ATR: variants seen among roughly 807,000 people sequenced by gnomAD.
The protein encoded by ATR is serine/threonine-protein kinase ATR.
In ATR, 142 loss-of-function variants were observed where a neutral mutation model predicts 305.3. The ratio of observed to expected loss-of-function variants is 0.47; its 90% CI spans 0.41 to 0.53. The LOEUF (loss-of-function observed/expected upper bound fraction) is 0.53, where lower values mean the gene tolerates loss of function less well. Among genes scored for constraint, ATR ranks in the 20% least tolerant of loss-of-function variants. ATR has a pLI of 0.00. For synonymous variants in ATR, 1,050 were observed against 1,068.1 expected, an observed-to-expected ratio of 0.98 and a Z score of 0.33; for missense variants, 2,135 against 3,133.1, an observed-to-expected ratio of 0.68 and a Z score of 7.60.
intron 16 of ATR, among the ~76,000 whole-genome samples, chr3:142,546,902 A>G (rs2034287592): frequency 6.6e-6 from 1 of 152,226 alleles, no homozygotes; most frequent in Admixed American, 6.5e-5. Context: ...ATGAGAAACC[A>G]GAGATAAAAA....
rs979965580 is a variant in ATR, at chr3:142,565,970, G to A, written c.292+151C>T. 6.5e-5 allele frequency: 62 copies of A among 948,916 alleles called. 1 individual carries two copies. Among genetic ancestry groups the A allele is most frequent in the Non-Finnish European group, 9.0e-5 (55 of 612,500 alleles). 58.8% of individuals were successfully genotyped at this position (948,916 alleles called of 1,614,324 possible). On this transcript the variant is annotated intron_variant, in intron 3 of 46. Transcript: ENST00000350721. ...AAAGAAAACAATAAGGATATGTGAA[G>A]GAAAAATAACCATTACCATTTTGCT...
rs761945596 is a variant in ATR at position 142,562,592 on chromosome 3, G to A, written c.810C>T (p.Phe270=). The change falls in exon 4 of 47, where the codon TTC becomes TTT. Residue 270 remains phenylalanine, a synonymous_variant. Transcript: ENST00000350721. ...GTTTTAATAATTCCAAAAATGAGCT[G>A]AAAAAAGTGCTAGCTGGTTGTGCTG... ...GLPAQPASTF[F]SSFLELLKHL... 6.2e-7 allele frequency: 1 copy of A among 1,613,926 alleles called. No homozygotes were observed. Among genetic ancestry groups the A allele is most frequent in the South Asian group, 1.1e-5 (1 of 91,054 alleles).
At chr3:142,476,011 T>C (rs2071433184) in intron 36 of ATR, among the ~76,000 whole-genome samples, 2 of 152,264 alleles carry the variant, frequency 1.3e-5, no homozygotes, top group Admixed American at 6.5e-5. Flanking sequence ...GTCAGATGAG[T>C]AGATTGCAAA....
In ATR at chr3:142,524,476, T is replaced by A. The variant is rs74882709; in HGVS notation, c.3946-277A>T. On this transcript the variant is annotated intron_variant, in intron 21 of 46. Transcript: ENST00000350721. Reference sequence around the variant, plus strand: ...GTGCATTTTATCAATATACAAAAAATCAGTAAAACAAGTCTTAACAAGTTC... The same window carrying A: ...GTGCATTTTATCAATATACAAAAAAACAGTAAAACAAGTCTTAACAAGTTC... Among the ~76,000 whole-genome samples, 4,234 of 152,072 alleles carry A rather than the reference T, an allele frequency of 0.028. 180 individuals are homozygous for A. Among genetic ancestry groups the A allele is most frequent in the African/African-American group, 0.097 (4,007 of 41,468 alleles).
intron 36 of ATR, among the ~76,000 whole-genome samples, chr3:142,474,901 A>G (rs1202509336): frequency 6.6e-6 from 1 of 151,804 alleles, no homozygotes; most frequent in African/African-American, 2.4e-5. Flanking sequence ...TTCCTTCTAT[A>G]CATATTTTTT....
intron 2 of ATR, among the ~76,000 whole-genome samples, chr3:142,567,829 C>A (rs2035124755): frequency 6.6e-6 from 1 of 152,052 alleles, no homozygotes; most frequent in African/African-American, 2.4e-5. Context: ...GAACTCATAG[C>A]AAGCAGTAGA....
intron 16 of ATR, among the ~76,000 whole-genome samples, chr3:142,543,817 G>A (rs1161185428): frequency 1.3e-5 from 2 of 151,710 alleles, no homozygotes; most frequent in Non-Finnish European, 2.9e-5. Flanking sequence ...CTACAGGCAC[G>A]CACCACCTCG....
intron 1 of ATR, 33 bp from the exon 2 acceptor site, chr3:142,568,187 A>G: frequency 1.3e-6 from 2 of 1,561,664 alleles, no homozygotes; most frequent in Middle Eastern, 1.7e-4. Context: ...TTAATCCTTA[A>G]AGTGACTCAG....
intron 33 of ATR, 89 bp downstream of exon 33, chr3:142,496,924 G>T: frequency 7.0e-7 from 1 of 1,427,936 alleles, no homozygotes; most frequent in South Asian, 1.2e-5. Flanking sequence ...GATTCAGACA[G>T]AAAATTAAGA....
chr3:142,559,121 T>C (rs1413168815), intron 7 of ATR, 130 bp downstream of exon 7: 5 of 989,184 alleles, frequency 5.1e-6, no homozygotes, highest in Admixed American at 2.9e-5. Flanking sequence ...ACAAATTTAA[T>C]AGAACTGAAA....
rs201867121 is a variant in ATR, at chr3:142,462,106, C to T, written c.7042-16G>A. The T allele has an allele frequency of 1.7e-5, 28 of 1,605,436 alleles. No individual in the cohort carries two copies. In the East Asian group the frequency reaches 4.7e-4, roughly 27 times the overall value. ...TTCTTAAGCACTGTTAAAAAATACA[C>T]ATAAATTTAAAAACAAGATAGAACT... On this transcript the variant is annotated splice_polypyrimidine_tract_variant and intron_variant, in intron 41 of 46. Coordinates refer to ENST00000350721, the MANE Select transcript of ATR (RefSeq NM_001184.4).
Position 142,522,792 on chromosome 3 carries a change from G to A in ATR, c.4202C>T (p.Thr1401Ile), listed in dbSNP as rs199851807. 17 of 1,613,040 alleles carry A rather than the reference G, an allele frequency of 1.1e-5. No individual in the cohort carries two copies. The highest frequency in any genetic ancestry group is 1.3e-5 in the African/African-American group (1 of 74,634). The change falls in exon 23 of 47, where the codon ACA becomes ATA. Residue 1401 changes from threonine to isoleucine, a missense_variant. Thr to Ile is a moderately conservative substitution (Grantham distance 89). Transcript: ENST00000350721. ...SFAYGLLMEL[T>I]RAYLAYADNS... is the part of the protein sequence containing the mutation. Reference sequence around the variant, plus strand: ...ATCAGCATACGCAAGGTAAGCTCTTGTTAGCTCCATCAATAATCCATAGGC... The same window carrying A: ...ATCAGCATACGCAAGGTAAGCTCTTATTAGCTCCATCAATAATCCATAGGC...
intron 46 of ATR, chr3:142,451,292 T>A (rs1398364495): frequency 2.4e-6 from 3 of 1,229,116 alleles, no homozygotes; most frequent in Non-Finnish European, 3.1e-6. Flanking sequence ...GGGCCAAGAG[T>A]GTGTGGGCAA....
chr3:142,509,928 C>T (rs1016144684), intron 27 of ATR, among the ~76,000 whole-genome samples: 3 of 151,936 alleles, frequency 2.0e-5, no homozygotes, highest in African/African-American at 7.3e-5. Flanking sequence ...CCACCCTGGG[C>T]AGTGTGGTGA....
At chr3:142,488,009 C>T (rs772120337) in intron 35 of ATR, among the ~76,000 whole-genome samples, 5 of 152,152 alleles carry the variant, frequency 3.3e-5, no homozygotes, top group Admixed American at 6.5e-5. Context: ...TGCTCAGTGC[C>T]CCAGCAAACT....
At chr3:142,471,314 T>C (rs982869440) in intron 36 of ATR, among the ~76,000 whole-genome samples, 3 of 152,232 alleles carry the variant, frequency 2.0e-5, no homozygotes, top group Admixed American at 6.5e-5. Context: ...TAATATTCCA[T>C]TGTGTCTACA....
intron 31 of ATR, 54 bp from the exon 32 acceptor site, chr3:142,498,828 A>G: frequency 6.4e-7 from 1 of 1,561,250 alleles, no homozygotes; most frequent in Non-Finnish European, 8.8e-7. Context: ...TCCAAGAGTC[A>G]GCTTTATTTC....
In ATR at chr3:142,531,590, C is replaced by A. The variant is rs890288040; in HGVS notation, c.3945+3490G>T. Among the ~76,000 whole-genome samples the A allele has an allele frequency of 2.8e-4, 43 of 152,222 alleles. No homozygotes were observed. The East Asian group carries it at 6.0e-3, about 21-fold the overall frequency. ...TCCCTACAAAGGACATGAACTCATC[C>A]TTTTTTATGGCTGCATAGTATTCCA... On this transcript the variant is annotated intron_variant, in intron 21 of 46. Transcript: ENST00000350721.
At chr3:142,497,346 C>T (rs1268153882) in intron 32 of ATR, among the ~76,000 whole-genome samples, 154 bp from the exon 33 acceptor site, 2 of 152,092 alleles carry the variant, frequency 1.3e-5, no homozygotes, top group Admixed American at 6.5e-5. Context: ...TAAATAATTA[C>T]ATTTATATCT....
Sources: allele counts gnomAD v4.1 joint callset (sites outside exome capture counted in the v4.1 genomes callset), GRCh38; gene constraint gnomAD v4.1.1; transcripts MANE v1.5; gene names NCBI Gene and HGNC (gene_info 2026-07-23, HGNC 2026-07-21).